Variants in PLEKHA7 observed in about 807,000 individuals in gnomAD.
The protein encoded by PLEKHA7 is pleckstrin homology domain-containing family A member 7.
In PLEKHA7, 104 loss-of-function variants were observed where a neutral mutation model predicts 170.0. That is an observed-to-expected ratio of 0.61 (90% CI 0.52 to 0.72). The LOEUF is 0.72. Among genes scored for constraint, PLEKHA7 ranks in the 30% least tolerant of loss-of-function variants. The pLI is 0.00. For synonymous variants in PLEKHA7, 648 were observed against 660.8 expected (o/e 0.98, Z 0.30); for missense variants, 1,615 against 1,671.7 (o/e 0.97, Z 0.59).
At chr11:16,801,112 C>T (rs1590162777) in intron 16 of PLEKHA7, 37 bp from the exon 17 acceptor site, 3 of 1,577,226 alleles carry the variant, frequency 1.9e-6, no homozygotes, top group Non-Finnish European at 2.6e-6. Flanking sequence ...TCTTAGTTAT[C>T]CCCTGCCCCC....
At chr11:16,874,529 A>G (rs1286202114) in intron 3 of PLEKHA7, among the ~76,000 whole-genome samples, 1 of 152,180 alleles carries the variant, frequency 6.6e-6, no homozygotes, top group Non-Finnish European at 1.5e-5. Flanking sequence ...CAAAAAAGTG[A>G]TAAGACTGGA....
chr11:16,851,460 T>A (rs7928012), intron 7 of PLEKHA7, among the ~76,000 whole-genome samples, 169 bp from the exon 8 acceptor site: 63,999 of 151,270 alleles, frequency 0.42, 13,637 homozygotes, highest in East Asian at 0.59. Flanking sequence ...TTATTTATTT[T>A]TTTTTTGAGA....
chr11:16,855,930 G>A lies in PLEKHA7; in HGVS notation c.306-16C>T, dbSNP rs376477923. ...TGGATTCGGCCTGTGAGGAGACAGG[G>A]GATTCCAGTGAGTAAAAGCCGAGCT... On this transcript the variant is annotated splice_polypyrimidine_tract_variant and intron_variant, in intron 4 of 26. Transcript: ENST00000531066. The A allele has an allele frequency of 3.8e-6, 6 of 1,587,984 alleles. No homozygotes were observed. The African/African-American group carries it at 6.7e-5, about 18-fold the overall frequency.
In PLEKHA7 at chr11:16,801,048, G is replaced by T. The variant is rs1242915335; in HGVS notation, c.2335C>A (p.Leu779Met). 1.9e-5 allele frequency: 31 copies of T among 1,614,232 alleles called. No homozygotes were observed. Among genetic ancestry groups the T allele is most frequent in the Non-Finnish European group, 2.5e-5 (30 of 1,180,044 alleles). Residue 779 changes from leucine (L) to methionine (M), a missense_variant, in exon 17 of 27, where the codon CTG becomes ATG. Coordinates refer to ENST00000531066, the MANE Select transcript of PLEKHA7 (RefSeq NM_001329630.2). ...TEMENAWNEYLKLENDVEQLK... is the reference protein window; with the variant it reads ...TEMENAWNEYMKLENDVEQLK... The stretch of plus-strand genomic sequence containing the variant: ...TGTTCCACATCATTCTCCAACTTCA[G>T]GTATTCGTTCCAAGCATTTTCCATC...
chr11:16,989,077 T>C (rs1210710310), intron 3 of PLEKHA7, among the ~76,000 whole-genome samples: 1 of 152,224 alleles, frequency 6.6e-6, no homozygotes, highest in Non-Finnish European at 1.5e-5. Context: ...GTGCTCCATC[T>C]GTGATCTCCC....
intron 8 of PLEKHA7, among the ~76,000 whole-genome samples, chr11:16,845,241 T>C (rs1456339270): frequency 6.6e-6 from 1 of 152,210 alleles, no homozygotes; most frequent in Non-Finnish European, 1.5e-5. Flanking sequence ...GAAAACAGCA[T>C]GAAGAGAGGC....
Position 16,789,160 on chromosome 11 carries a change from C to A in PLEKHA7, c.3293G>T (p.Gly1098Val). Residue 1098 changes from glycine (G) to valine (V), a missense_variant, in exon 23 of 27, where the codon GGG (glycine) becomes GTG (valine). Physicochemically the swap from Gly to Val is moderately radical, Grantham distance 109. Coordinates refer to ENST00000531066, the MANE Select transcript of PLEKHA7 (RefSeq NM_001329630.2). This position sits in a 1 kb window ranked among gnomAD's most constrained non-coding sequence, Gnocchi z 4.6. ...VRERKRTLGQ[G>V]ERTGLPSSRY... The stretch of plus-strand genomic sequence containing the variant: ...AGATGAGGGCAGGCCCGTCCTCTCC[C>A]CTTGGCCCAGTGTCCTCTTGCGCTC... The A allele has an allele frequency of 1.9e-6, 3 of 1,612,018 alleles. No homozygotes were observed. The highest frequency in any genetic ancestry group is 2.5e-6 in the Non-Finnish European group (3 of 1,180,044).
chr11:16,783,293 G>A (rs1255809312), intron 25 of PLEKHA7, among the ~76,000 whole-genome samples: 3 of 152,214 alleles, frequency 2.0e-5, no homozygotes, highest in East Asian at 1.9e-4. Context: ...GGTGCCCTAC[G>A]GACAAGGCTG....
At chr11:16,978,111 C>T (rs1217657315) in intron 3 of PLEKHA7, among the ~76,000 whole-genome samples, 1 of 152,198 alleles carries the variant, frequency 6.6e-6, no homozygotes, top group Non-Finnish European at 1.5e-5. Flanking sequence ...ACTCCAGCTC[C>T]CCTCAAGCAG....
intron 24 of PLEKHA7, among the ~76,000 whole-genome samples, chr11:16,785,876 CTAACAA>C (rs2134157138): frequency 6.6e-6 from 1 of 152,286 alleles, no homozygotes; most frequent in Non-Finnish European, 1.5e-5. Flanking sequence ...GGAACATTTC[CTAACAA>C]TAACAACTGC....
At chr11:16,934,778 T>C (rs1187516953) in intron 3 of PLEKHA7, among the ~76,000 whole-genome samples, 2 of 152,218 alleles carry the variant, frequency 1.3e-5, no homozygotes, top group Middle Eastern at 3.2e-3. Flanking sequence ...AATGTTCAGA[T>C]TCATGTAATT....
At chr11:16,830,931 A>G (rs538131257) in intron 9 of PLEKHA7, among the ~76,000 whole-genome samples, 1 of 152,372 alleles carries the variant, frequency 6.6e-6, no homozygotes, top group East Asian at 1.9e-4. Flanking sequence ...CTATGTATGT[A>G]CATGAGTATA....
In PLEKHA7 at chr11:16,783,779, C is replaced by T. The variant is rs756157289; in HGVS notation, c.3571G>A (p.Glu1191Lys). The change falls in exon 25 of 27, where the codon GAA becomes AAA. Residue 1191 changes from glutamate to lysine, a missense_variant. By Grantham distance (56) the Glu-to-Lys change is moderately conservative. Transcript: ENST00000531066. ...AGCTCCTCAAGGCTGGGTGGCTCTTCGGGATCTAGCTCCACGTAGCGCTCA... is the reference window on the plus strand; with the variant it reads ...AGCTCCTCAAGGCTGGGTGGCTCTTTGGGATCTAGCTCCACGTAGCGCTCA... ...IPERYVELDP[E>K]EPPSLEELQA... 90 of 1,514,706 alleles carry T rather than the reference C, an allele frequency of 5.9e-5. No individual in the cohort carries two copies. Among genetic ancestry groups the T allele is most frequent in the African/African-American group, 4.5e-4 (32 of 71,866 alleles). The allele number at this position is 1,514,706 out of a possible 1,614,324, so 93.8% of individuals were successfully genotyped here.
chr11:16,851,813 A>G (rs959404375), intron 7 of PLEKHA7, among the ~76,000 whole-genome samples: 3 of 152,210 alleles, frequency 2.0e-5, no homozygotes, highest in Non-Finnish European at 4.4e-5. Context: ...AGATTCTCCA[A>G]TGATGGAATT....
chr11:16,858,210 G>T (rs1853631072), intron 4 of PLEKHA7, among the ~76,000 whole-genome samples: 1 of 149,894 alleles, frequency 6.7e-6, no homozygotes, highest in South Asian at 2.1e-4. Flanking sequence ...TTCTGCAGGG[G>T]AAGGAGGTGG....
At chr11:16,960,289 T>C (rs1861973474) in intron 3 of PLEKHA7, among the ~76,000 whole-genome samples, 2 of 152,256 alleles carry the variant, frequency 1.3e-5, no homozygotes, top group East Asian at 1.9e-4. Context: ...TGGAGAAACA[T>C]GCTACTGTTC....
rs201896651 is a variant in PLEKHA7, at chr11:16,871,154, G to A, written c.250C>T (p.His84Tyr). 10 of 1,609,604 alleles carry A rather than the reference G, an allele frequency of 6.2e-6. No individual in the cohort carries two copies. Among genetic ancestry groups the A allele is most frequent in the Middle Eastern group, 1.6e-4 (1 of 6,074 alleles). Residue 84 changes from histidine (H) to tyrosine (Y), a missense_variant, in exon 4 of 27, where the codon CAT (histidine) becomes TAT (tyrosine). Physicochemically the swap from His to Tyr is moderately conservative, Grantham distance 83. Coordinates refer to ENST00000531066, the MANE Select transcript of PLEKHA7 (RefSeq NM_001329630.2). The part of the protein sequence containing the change: ...DHNQQTTAFR[H>Y]PVTGQFSPEN... ...GGAGAAAACTGTCCCGTCACAGGATGCCTGAATGCTGTGGTCTGCTGGTTA... is the reference window on the plus strand; with the variant it reads ...GGAGAAAACTGTCCCGTCACAGGATACCTGAATGCTGTGGTCTGCTGGTTA...
intron 4 of PLEKHA7, among the ~76,000 whole-genome samples, chr11:16,856,978 G>A (rs776473011): frequency 3.9e-5 from 6 of 152,208 alleles, no homozygotes; most frequent in Non-Finnish European, 7.3e-5. Context: ...CAAGGACCCT[G>A]AGGAGATGCA....
At chr11:16,993,004 T>C (rs1590806269) in intron 3 of PLEKHA7, among the ~76,000 whole-genome samples, 1 of 152,046 alleles carries the variant, frequency 6.6e-6, no homozygotes, top group South Asian at 2.1e-4. Context: ...TGAATCCTCT[T>C]CCATACCAGC....
Sources: gnomAD v4.1 joint callset for allele counts (sites outside exome capture counted in the v4.1 genomes callset) on GRCh38, gnomAD v4.1.1 for gene constraint, Gnocchi (gnomAD v3.1) non-coding constraint, MANE v1.5 for transcripts, NCBI Gene and HGNC (gene_info 2026-07-23, HGNC 2026-07-21) for gene names.